The following PCDHGB2 variants were observed in gnomAD, a reference collection of about 807,000 sequenced individuals.
The protein encoded by PCDHGB2 is protocadherin gamma-B2.
A neutral mutation model predicts 59.3 loss-of-function variants in PCDHGB2; 55 were observed. That is an observed-to-expected ratio of 0.93 (90% CI 0.75 to 1.16). The LOEUF (loss-of-function observed/expected upper bound fraction) is 1.16. PCDHGB2 is among the 50% of genes most tolerant of loss of function. The pLI, the probability that PCDHGB2 is intolerant of heterozygous loss-of-function variation, is 0.00. For synonymous variants in PCDHGB2, 516 were observed against 512.0 expected, an observed-to-expected ratio of 1.01 and a Z score of -0.11; for missense variants, 1,228 against 1,198.5, an observed-to-expected ratio of 1.02 and a Z score of -0.36.
chr5:141,371,887 C>A (rs372336757), intron 1 of PCDHGB2: 2 of 1,613,424 alleles, frequency 1.2e-6, no homozygotes, highest in Non-Finnish European at 1.7e-6. Flanking sequence ...GACCTGGAGC[C>A]GCGGGAGCTG....
chr5:141,362,661 A>C (rs533318965), intron 1 of PCDHGB2, 105 bp downstream of exon 1: 2 of 1,346,780 alleles, frequency 1.5e-6, no homozygotes, highest in Admixed American at 2.7e-5. Context: ...GATTTGGCCA[A>C]TGTTGTGCCT....
chr5:141,452,387 G>A (rs1052689230), intron 1 of PCDHGB2, among the ~76,000 whole-genome samples: 5 of 152,146 alleles, frequency 3.3e-5, no homozygotes, highest in African/African-American at 1.2e-4. Context: ...ATAGTATTTA[G>A]AAACTAAGAT....
intron 2 of PCDHGB2, among the ~76,000 whole-genome samples, chr5:141,502,186 CA>C (rs1470455379): frequency 1.3e-5 from 2 of 152,148 alleles, no homozygotes; most frequent in Non-Finnish European, 2.9e-5. Context: ...AACATTAATA[CA>C]ATAATATAGA....
intron 1 of PCDHGB2, among the ~76,000 whole-genome samples, chr5:141,433,680 A>G (rs570459317): frequency 1.3e-5 from 2 of 152,236 alleles, no homozygotes; most frequent in African/African-American, 4.8e-5. Context: ...TACTAAAAAA[A>G]TACAAAATTA....
At chr5:141,403,121 C>G in intron 1 of PCDHGB2, 1 of 1,614,046 alleles carries the variant, frequency 6.2e-7, no homozygotes, top group South Asian at 1.1e-5. Flanking sequence ...TCTGGAGCCC[C>G]GGGAGCTGGC....
intron 1 of PCDHGB2, chr5:141,379,115 T>C (rs1775378962): frequency 6.6e-6 from 1 of 152,230 alleles, no homozygotes; most frequent in African/African-American, 2.4e-5. Context: ...ATTGAGAAGA[T>C]ACCTTGAAAA....
chr5:141,428,729 ATAT>A (rs2097158318), intron 1 of PCDHGB2: 2 of 159,768 alleles, frequency 1.3e-5, no homozygotes. Flanking sequence ...AATCTTAAAC[ATAT>A]TATATCTACT....
chr5:141,507,849 C>CA (rs2099864208), intron 3 of PCDHGB2, among the ~76,000 whole-genome samples: 1 of 152,222 alleles, frequency 6.6e-6, no homozygotes, highest in African/African-American at 2.4e-5. Flanking sequence ...GCCCTGCTCT[C>CA]ACTTTCACAC....
intron 2 of PCDHGB2, among the ~76,000 whole-genome samples, chr5:141,498,944 A>G (rs1249475504): frequency 7.2e-6 from 1 of 139,096 alleles, no homozygotes; most frequent in Non-Finnish European, 1.6e-5. Flanking sequence ...AAAGAAAGAA[A>G]GAAAAAGAGA....
chr5:141,452,884 A>C (rs746547069), intron 1 of PCDHGB2, among the ~76,000 whole-genome samples: 1 of 152,204 alleles, frequency 6.6e-6, no homozygotes, highest in Non-Finnish European at 1.5e-5. Flanking sequence ...GTAATAATTT[A>C]TTCCACTTTT....
Position 141,490,008 on chromosome 5 carries a change from C to T in PCDHGB2, c.2422-4799C>T. 6.2e-7 allele frequency: 1 copy of T among 1,614,230 alleles called. No homozygotes were observed. ...GTGTGGGAATCCCAGAGAATGCACC[C>T]ATTGGTACTCTGCTGCTCCGCCTCA... On this transcript the variant is annotated intron_variant, in intron 1 of 3. Transcript: ENST00000522605. This position sits in a 1 kb window ranked among gnomAD's most constrained non-coding sequence, Gnocchi z 5.4.
intron 1 of PCDHGB2, chr5:141,409,205 A>C (rs766592481): frequency 1.2e-6 from 2 of 1,614,068 alleles, no homozygotes; most frequent in Non-Finnish European, 1.7e-6. Flanking sequence ...TAAAGTAATC[A>C]TAGAAATCCT....
In PCDHGB2 at chr5:141,477,787, C is replaced by A; in HGVS notation, c.2422-17020C>A. The stretch of plus-strand genomic sequence containing the variant: ...CCAACATCAGCGTGAACATATTTGT[C>A]ACTGATCGCAATGACAATGCCCCCC... On this transcript the variant is annotated intron_variant, in intron 1 of 3. Transcript: ENST00000522605. The surrounding 1 kb of genome is among the most constrained non-coding windows in gnomAD (Gnocchi z 4.9). The A allele has an allele frequency of 6.2e-7, 1 of 1,614,092 alleles. No homozygotes were observed. The highest frequency in any genetic ancestry group is 8.5e-7 in the Non-Finnish European group (1 of 1,180,034).
chr5:141,431,976 C>T lies in PCDHGB2; in HGVS notation c.2422-62831C>T, dbSNP rs2097433306. ...TACGGAAATTACTATAGTTTAGTCACAGACATAGTCTTGGATAGGGAACAG... is the reference window on the plus strand; with the variant it reads ...TACGGAAATTACTATAGTTTAGTCATAGACATAGTCTTGGATAGGGAACAG... On this transcript the variant is annotated intron_variant, in intron 1 of 3. Transcript: ENST00000522605. This position sits in a 1 kb window ranked among gnomAD's most constrained non-coding sequence, Gnocchi z 4.8. 6.2e-7 allele frequency: 1 copy of T among 1,614,078 alleles called. No individual in the cohort carries two copies. The highest frequency in any genetic ancestry group is 1.3e-5 in the African/African-American group (1 of 74,934).
intron 1 of PCDHGB2, chr5:141,398,744 GTTACCATCGT>G (rs765550213): frequency 1.3e-4 from 209 of 1,613,736 alleles, no homozygotes; most frequent in Non-Finnish European, 1.7e-4. Context: ...GAACAACAGA[GTTACCATCGT>G]TTAGTCCTGA....
rs146919978 is a variant in PCDHGB2, at chr5:141,489,268, G to A, written c.2422-5539G>A. 1,443 of 1,553,166 alleles carry A rather than the reference G, an allele frequency of 9.3e-4. 2 individuals are homozygous for A. The highest frequency in any genetic ancestry group is 1.2e-3 in the Non-Finnish European group (1,381 of 1,149,786). On this transcript the variant is annotated intron_variant, in intron 1 of 3. Transcript: ENST00000522605. The surrounding 1 kb of genome is among the most constrained non-coding windows in gnomAD (Gnocchi z 4.5). ...GGGGCCCAAGACACTCCCACAGCTCGCTGGGAAATGGCAAGTGCTGTGCAT... is the reference window on the plus strand; with the variant it reads ...GGGGCCCAAGACACTCCCACAGCTCACTGGGAAATGGCAAGTGCTGTGCAT...
At chr5:141,394,883 ACTCTAT>A in intron 1 of PCDHGB2, 1 of 1,611,724 alleles carries the variant, frequency 6.2e-7, no homozygotes, top group Non-Finnish European at 8.5e-7. Context: ...CGAGCCTTAC[ACTCTAT>A]CTCGTGGTGG....
chr5:141,419,999 C>T (rs369649545), intron 1 of PCDHGB2: 4 of 1,613,960 alleles, frequency 2.5e-6, no homozygotes, highest in Non-Finnish European at 3.4e-6. Flanking sequence ...TATTGCTCTA[C>T]GCCTGCGACA....
rs534187376 is a variant in PCDHGB2 at position 141,512,974 on chromosome 5, A to G, written c.*1801A>G. ...AAAATAATAAAACGTTTCTTCTGAA[A>G]AGCTGAACGTTTCTGTATAAGCGAT... is the stretch of plus-strand genomic sequence containing the variant. On this transcript the variant is annotated 3_prime_UTR_variant, in exon 4 of 4. Transcript: ENST00000522605. The G allele has an allele frequency of 6.6e-6, 1 of 152,362 alleles. No individual in the cohort carries two copies. Among genetic ancestry groups the G allele is most frequent in the South Asian group, 2.1e-4 (1 of 4,826 alleles). The allele number at this position is 152,362 out of a possible 1,614,324, so 9.4% of individuals were successfully genotyped here. A position where few individuals can be genotyped will look rare whatever the true frequency, so the allele number is the denominator to read the frequency against.
Sources: gnomAD v4.1 joint callset for allele counts (sites outside exome capture counted in the v4.1 genomes callset) on GRCh38, gnomAD v4.1.1 for gene constraint, Gnocchi (gnomAD v3.1) non-coding constraint, MANE v1.5 for transcripts, NCBI Gene and HGNC (gene_info 2026-07-23, HGNC 2026-07-21) for gene names.